Variants in KIAA1328 observed in about 807,000 individuals in gnomAD.
The protein encoded by KIAA1328 is KIAA1328.
KIAA1328 carries 52 observed loss-of-function variants against 68.1 expected under a neutral mutation model. The observed-to-expected ratio is 0.76, with a 90% CI of 0.61 to 0.96. KIAA1328 has a LOEUF of 0.96. Ranked by LOEUF, KIAA1328 falls within the 40% of genes least tolerant of loss-of-function variation. The probability of loss-of-function intolerance (pLI) is 0.00; values close to 1 mark genes in which losing one functional copy is unlikely to be tolerated. For synonymous variants in KIAA1328, 232 were observed against 239.4 expected, an observed-to-expected ratio of 0.97 and a Z score of 0.28; for missense variants, 641 against 677.6, an observed-to-expected ratio of 0.95 and a Z score of 0.60.
chr18:36,917,971 GT>G (rs1311243972), intron 5 of KIAA1328, among the ~76,000 whole-genome samples: 1 of 150,360 alleles, frequency 6.7e-6, no homozygotes, highest in African/African-American at 2.4e-5. Context: ...ACAGTTGTGT[GT>G]TTTTTTTTGT....
intron 9 of KIAA1328, among the ~76,000 whole-genome samples, chr18:37,173,304 T>C (rs1439632790): frequency 6.6e-6 from 1 of 152,186 alleles, no homozygotes; most frequent in Non-Finnish European, 1.5e-5. Flanking sequence ...AGGGCTTCCA[T>C]AGAAACCTAA....
intron 6 of KIAA1328, among the ~76,000 whole-genome samples, chr18:37,060,457 C>T (rs2056102184): frequency 6.6e-6 from 1 of 152,136 alleles, no homozygotes; most frequent in Admixed American, 6.5e-5. Flanking sequence ...TCACTGCACA[C>T]ACACCAAAAT....
At chr18:37,038,578 G>T (rs1446448540) in intron 6 of KIAA1328, among the ~76,000 whole-genome samples, 1 of 152,096 alleles carries the variant, frequency 6.6e-6, no homozygotes. Flanking sequence ...TGACCTTGCT[G>T]AACTTATTAT....
At chr18:37,095,491 A>G (rs992153335) in intron 7 of KIAA1328, among the ~76,000 whole-genome samples, 3 of 152,206 alleles carry the variant, frequency 2.0e-5, no homozygotes, top group Admixed American at 1.3e-4. Flanking sequence ...CATTGTGTCA[A>G]TGAGGAAATT....
intron 9 of KIAA1328, among the ~76,000 whole-genome samples, chr18:37,205,922 C>T (rs2060208000): frequency 6.6e-6 from 1 of 152,080 alleles, no homozygotes; most frequent in Non-Finnish European, 1.5e-5. Context: ...TATATGTTAC[C>T]AATTTCAGTG....
chr18:36,832,434 A>C (rs1452146079), intron 1 of KIAA1328, among the ~76,000 whole-genome samples: 2 of 151,752 alleles, frequency 1.3e-5, no homozygotes, highest in African/African-American at 4.8e-5. Flanking sequence ...AAAACTACAA[A>C]AAAAATTAGC....
chr18:36,869,621 A>C (rs1022638894), intron 4 of KIAA1328, among the ~76,000 whole-genome samples: 6 of 150,212 alleles, frequency 4.0e-5, no homozygotes, highest in African/African-American at 1.5e-4. Flanking sequence ...TTTCATGTTC[A>C]TGTGCATATT....
chr18:36,982,116 A>G (rs1160864951), intron 6 of KIAA1328, among the ~76,000 whole-genome samples: 2 of 137,806 alleles, frequency 1.5e-5, no homozygotes, highest in African/African-American at 5.1e-5. Flanking sequence ...TAATTATATA[A>G]TATATAAATA....
intron 6 of KIAA1328, among the ~76,000 whole-genome samples, chr18:36,989,740 G>C (rs937306393): frequency 3.9e-5 from 6 of 152,124 alleles, no homozygotes; most frequent in African/African-American, 1.4e-4. Context: ...TGTCGCCCAG[G>C]CTGGAGTGCA....
chr18:37,002,701 A>G (rs890011868), intron 6 of KIAA1328, among the ~76,000 whole-genome samples: 7 of 152,120 alleles, frequency 4.6e-5, no homozygotes, highest in Non-Finnish European at 1.0e-4. Flanking sequence ...AGACAACACA[A>G]GAAACAAAAA....
chr18:37,006,289 A>G (rs142192021), intron 6 of KIAA1328, among the ~76,000 whole-genome samples: 194 of 152,184 alleles, frequency 1.3e-3, no homozygotes, highest in African/African-American at 4.4e-3. Context: ...AGTCAAGAGT[A>G]AAAGGTCAGA....
In KIAA1328 at chr18:36,844,298, G is replaced by T. The variant is rs373756824; in HGVS notation, c.328G>T (p.Ala110Ser). The change falls in exon 4 of 10, where the codon GCC (alanine) becomes TCC (serine). Residue 110 changes from alanine (A) to serine (S), a missense_variant. Ala to Ser is a moderately conservative substitution (Grantham distance 99). Transcript: ENST00000280020. ...CATTGCAAACTTAATTAAAGAACTGGCCAGGTGAGATAAAACCTTATATGA... is the reference window on the plus strand; with the variant it reads ...CATTGCAAACTTAATTAAAGAACTGTCCAGGTGAGATAAAACCTTATATGA... ...RRIANLIKEL[A>S]RVSEEKEVTE... is the part of the protein sequence containing the mutation. 6.3e-7 allele frequency: 1 copy of T among 1,587,100 alleles called. No individual in the cohort carries two copies. The highest frequency in any genetic ancestry group is 1.4e-5 in the African/African-American group (1 of 73,626).
intron 6 of KIAA1328, among the ~76,000 whole-genome samples, chr18:36,965,872 G>A (rs1395366809): frequency 6.6e-6 from 1 of 150,566 alleles, no homozygotes; most frequent in Non-Finnish European, 1.5e-5. Context: ...TATAAGCCTA[G>A]ATTTTATTGA....
chr18:37,073,198 A>C (rs1322737415), intron 7 of KIAA1328, among the ~76,000 whole-genome samples: 1 of 152,248 alleles, frequency 6.6e-6, no homozygotes, highest in African/African-American at 2.4e-5. Context: ...TCTGCACAGC[A>C]AAAGAAACTG....
rs138391059 is a variant in KIAA1328 at position 37,022,312 on chromosome 18, A to G, written c.577-44578A>G. ...AGATAAGGAAGGTATAGATTTTAAT[A>G]TTTTAAAACTCATATAATAAGAAAA... On this transcript the variant is annotated intron_variant, in intron 6 of 9. Transcript: ENST00000280020. 2.4e-3 allele frequency among the ~76,000 whole-genome samples: 359 copies of G among 152,288 alleles called. 1 individual carries two copies. Among genetic ancestry groups the G allele is most frequent in the African/African-American group, 8.1e-3 (338 of 41,568 alleles).
chr18:37,014,346 A>T (rs562124114), intron 6 of KIAA1328, among the ~76,000 whole-genome samples: 17 of 152,236 alleles, frequency 1.1e-4, no homozygotes, highest in African/African-American at 3.9e-4. Flanking sequence ...GTTTAATTGG[A>T]TCCAACTTTT....
At chr18:37,027,352 G>T (rs2054626263) in intron 6 of KIAA1328, among the ~76,000 whole-genome samples, 1 of 152,098 alleles carries the variant, frequency 6.6e-6, no homozygotes, top group Non-Finnish European at 1.5e-5. Flanking sequence ...TTTCTTCACA[G>T]AATTGGAAAA....
At position 37,191,837 on chromosome 18, in the gene KIAA1328, T is replaced by C. The variant is rs561651705; in HGVS notation, c.1523+18756T>C. ...CTCTTCTGGGAGCCATCTATACTTA[T>C]CAACAAGGGGAGTGAGGTCTTTGTG... On this transcript the variant is annotated intron_variant, in intron 9 of 9. Transcript: ENST00000280020. Among the ~76,000 whole-genome samples the C allele has an allele frequency of 2.8e-4, 43 of 152,276 alleles. No homozygotes were observed. The Middle Eastern group carries it at 0.01, about 36-fold the overall frequency.
intron 7 of KIAA1328, among the ~76,000 whole-genome samples, chr18:37,070,619 G>A (rs1482888273): frequency 1.3e-5 from 2 of 148,290 alleles, no homozygotes; most frequent in African/African-American, 5.0e-5. Context: ...CGCTGAGGTT[G>A]GAGTGCAGTG....
Sources: gnomAD v4.1 joint callset for allele counts (sites outside exome capture counted in the v4.1 genomes callset) on GRCh38, gnomAD v4.1.1 for gene constraint, MANE v1.5 for transcripts, NCBI Gene and HGNC (gene_info 2026-07-23, HGNC 2026-07-21) for gene names.